The following KLHL3 variants were observed in gnomAD, a reference collection of about 807,000 sequenced individuals.
KLHL3 encodes kelch-like protein 3.
In KLHL3, 19 loss-of-function variants were observed where a neutral mutation model predicts 70.5. That is an observed-to-expected ratio of 0.27 (90% CI 0.19 to 0.40). The LOEUF is 0.40. Ranked by LOEUF, KLHL3 falls within the 10% of genes least tolerant of loss-of-function variation. The pLI is 1.00. For synonymous variants in KLHL3, 258 were observed against 290.3 expected (o/e 0.89, Z 1.13); for missense variants, 512 against 771.1 (o/e 0.66, Z 3.98).
intron 2 of KLHL3, among the ~76,000 whole-genome samples, chr5:137,712,995 A>G (rs184639340): frequency 3.9e-5 from 6 of 152,114 alleles, no homozygotes; most frequent in African/African-American, 1.4e-4. Flanking sequence ...TTTTTTCCAA[A>G]TAATATTTCA....
Position 137,639,738 on chromosome 5 carries a change from G to A in KLHL3, c.1021+122C>T. 2 of 680,170 alleles carry A rather than the reference G, an allele frequency of 2.9e-6. No individual in the cohort carries two copies. Among genetic ancestry groups the A allele is most frequent in the Non-Finnish European group, 5.0e-6 (2 of 396,726 alleles). The allele number at this position is 680,170 out of a possible 1,614,324, so 42.1% of individuals were successfully genotyped here. ...AAAAAAAAAAAAAAGTGTGCAGGAGGGAAACGAATGGGAGCCTGAAATGCA... is the reference window on the plus strand; with the variant it reads ...AAAAAAAAAAAAAAGTGTGCAGGAGAGAAACGAATGGGAGCCTGAAATGCA... On this transcript the variant is annotated intron_variant, in intron 9 of 14. Transcript: ENST00000309755. This position sits in a 1 kb window ranked among gnomAD's most constrained non-coding sequence, Gnocchi z 5.0.
chr5:137,684,686 AC>A (rs1752120657), intron 5 of KLHL3, among the ~76,000 whole-genome samples: 1 of 152,178 alleles, frequency 6.6e-6, no homozygotes, highest in Admixed American at 6.5e-5. Context: ...AGTCCCCATA[AC>A]CCTAGGCCCT....
At chr5:137,659,846 A>C (rs11242394) in intron 7 of KLHL3, among the ~76,000 whole-genome samples, 3 of 152,208 alleles carry the variant, frequency 2.0e-5, no homozygotes, top group Non-Finnish European at 4.4e-5. Context: ...TTATGTAATA[A>C]ACATTTTATC....
At chr5:137,666,133 C>A (rs1751609309) in intron 6 of KLHL3, among the ~76,000 whole-genome samples, 2 of 152,158 alleles carry the variant, frequency 1.3e-5, no homozygotes, top group Non-Finnish European at 2.9e-5. Context: ...TGGCACATAA[C>A]ACAAACTCAA....
At chr5:137,700,451 C>G (rs1011560305) in intron 3 of KLHL3, among the ~76,000 whole-genome samples, 1 of 152,102 alleles carries the variant, frequency 6.6e-6, no homozygotes, top group Non-Finnish European at 1.5e-5. Flanking sequence ...CTGTTTTCTG[C>G]CTGTGGAATT....
intron 1 of KLHL3, chr5:137,720,884 T>C: frequency 1.7e-6 from 2 of 1,160,344 alleles, no homozygotes; most frequent in Non-Finnish European, 2.1e-6. Context: ...CTAAGCACTC[T>C]ATCACTCACT....
intron 8 of KLHL3, among the ~76,000 whole-genome samples, chr5:137,650,817 C>A: frequency 7.0e-6 from 1 of 143,770 alleles, no homozygotes; most frequent in Non-Finnish European, 1.5e-5. Context: ...AGCAAAACTC[C>A]ATCTAAAAAA....
At chr5:137,704,548 A>T (rs1172508070) in intron 3 of KLHL3, among the ~76,000 whole-genome samples, 2 of 152,228 alleles carry the variant, frequency 1.3e-5, no homozygotes, top group East Asian at 3.8e-4. Flanking sequence ...TTCTATGAAC[A>T]TTCATAAAAT....
intron 1 of KLHL3, among the ~76,000 whole-genome samples, chr5:137,730,141 T>C (rs1420177391): frequency 1.3e-5 from 2 of 152,152 alleles, no homozygotes; most frequent in Non-Finnish European, 2.9e-5. Flanking sequence ...GGTACAGACA[T>C]AAAGTCTTCC....
intron 7 of KLHL3, among the ~76,000 whole-genome samples, chr5:137,660,335 C>T (rs1225605563): frequency 6.6e-6 from 1 of 152,182 alleles, no homozygotes; most frequent in Non-Finnish European, 1.5e-5. Flanking sequence ...TTCTCTGGAA[C>T]CCAGGTCCCC....
intron 3 of KLHL3, among the ~76,000 whole-genome samples, chr5:137,708,926 C>A (rs1471921438): frequency 6.6e-6 from 1 of 152,190 alleles, no homozygotes; most frequent in Admixed American, 6.5e-5. Context: ...GACACCTGAC[C>A]CAGTCTGGAG....
intron 2 of KLHL3, among the ~76,000 whole-genome samples, chr5:137,711,151 T>C (rs1752784842): frequency 6.6e-6 from 1 of 152,252 alleles, no homozygotes; most frequent in Admixed American, 6.5e-5. Context: ...TTAATGAGTC[T>C]GCCATGGTTG....
intron 1 of KLHL3, among the ~76,000 whole-genome samples, chr5:137,725,274 C>T (rs1753068220): frequency 6.6e-6 from 1 of 152,190 alleles, no homozygotes; most frequent in Admixed American, 6.5e-5. Flanking sequence ...CAAAATCACA[C>T]ACACACACAC....
intron 5 of KLHL3, among the ~76,000 whole-genome samples, chr5:137,687,390 G>C (rs566483364): frequency 1.5e-3 from 22 of 14,760 alleles, no homozygotes; most frequent in South Asian, 4.2e-3. Flanking sequence ...TCTGCCTGGC[G>C]AGCCGCCCCG....
At chr5:137,687,071 G>A (rs1241838572) in intron 5 of KLHL3, among the ~76,000 whole-genome samples, 988 of 59,482 alleles carry the variant, frequency 0.017, no homozygotes, top group Non-Finnish European at 0.019. Flanking sequence ...GAGGGAGGTG[G>A]GGGGGGTCAG....
chr5:137,703,512 A>G (rs1752613098), intron 3 of KLHL3, among the ~76,000 whole-genome samples: 2 of 152,238 alleles, frequency 1.3e-5, no homozygotes, highest in South Asian at 4.1e-4. Context: ...ATTTGACTGC[A>G]GATCAGGGAA....
intron 14 of KLHL3, among the ~76,000 whole-genome samples, chr5:137,624,562 A>T (rs1324495574): frequency 6.6e-6 from 1 of 152,190 alleles, no homozygotes; most frequent in Non-Finnish European, 1.5e-5. Flanking sequence ...TGTGCTGCAA[A>T]CTCCTTCAAA....
intron 3 of KLHL3, among the ~76,000 whole-genome samples, chr5:137,705,734 T>C (rs1422670945): frequency 6.6e-6 from 1 of 152,128 alleles, no homozygotes; most frequent in Non-Finnish European, 1.5e-5. Context: ...GGATGACATG[T>C]AGGCAGGGAC....
intron 6 of KLHL3, among the ~76,000 whole-genome samples, chr5:137,663,046 A>G (rs984983010): frequency 2.3e-4 from 33 of 142,630 alleles, no homozygotes; most frequent in Admixed American, 7.0e-4. Context: ...AGTATCCTTG[A>G]GCACTCGTTC....
Sources: allele counts gnomAD v4.1 joint callset (sites outside exome capture counted in the v4.1 genomes callset), GRCh38; gene constraint gnomAD v4.1.1; non-coding constraint Gnocchi (gnomAD v3.1); transcripts MANE v1.5; gene names NCBI Gene and HGNC (gene_info 2026-07-23, HGNC 2026-07-21).